MRPL43: variants seen among roughly 807,000 people sequenced by gnomAD.
MRPL43 encodes mitochondrial ribosomal protein L43, also known as large ribosomal subunit protein mL43.
In MRPL43, 9 loss-of-function variants were observed where a neutral mutation model predicts 12.7. That is an observed-to-expected ratio of 0.71 (90% CI 0.43 to 1.24). The LOEUF (loss-of-function observed/expected upper bound fraction) is 1.24, where lower values mean the gene tolerates loss of function less well. Among genes scored for constraint, MRPL43 ranks in the 50% most tolerant of loss-of-function variants. The pLI is 0.00. For synonymous variants in MRPL43, 116 were observed against 96.4 expected (o/e 1.20, Z -1.19); for missense variants, 211 against 229.2 (o/e 0.92, Z 0.51).
At chr10:100,979,820 A>AC (rs772051424), downstream of MRPL43, 43 of 1,609,742 alleles carry the variant, frequency 2.7e-5, no homozygotes, top group Non-Finnish European at 3.5e-5. Flanking sequence ...CATGTAACTC[A>AC]CCCCCCTTGC....
rs559883174 is a variant in MRPL43, at chr10:100,986,622, A to G, written c.*112T>C. On this transcript the variant is annotated 3_prime_UTR_variant, in exon 3 of 3. Coordinates refer to ENST00000318364, the MANE Select transcript of MRPL43 (RefSeq NM_032112.3). ...ATTATCCCAAGCAGAACCTCTGTCA[A>G]CTTGCCCATTGATGGGTTCCATTTG... 8.6e-5 allele frequency: 139 copies of G among 1,613,460 alleles called. No individual in the cohort carries two copies. The African/African-American group carries it at 1.5e-3, about 17-fold the overall frequency.
downstream of MRPL43, chr10:100,983,958 G>A (rs1318914837): frequency 6.2e-7 from 1 of 1,611,090 alleles, no homozygotes; most frequent in East Asian, 2.2e-5. Context: ...CAATGGCTTG[G>A]TGGCACTGCC....
chr10:100,983,419 G>A, downstream of MRPL43: 1 of 1,613,264 alleles, frequency 6.2e-7, no homozygotes, highest in East Asian at 2.2e-5. Context: ...GGGAGCATGG[G>A]CCTGAGCGAT....
downstream of MRPL43, chr10:100,983,742 C>T (rs756057332): frequency 1.8e-5 from 29 of 1,612,982 alleles, no homozygotes; most frequent in South Asian, 6.6e-5. Context: ...AGGGCGCCGA[C>T]GGAAATACTC....
At chr10:100,978,178 G>T, downstream of MRPL43, 1 of 671,080 alleles carries the variant, frequency 1.5e-6, no homozygotes. Flanking sequence ...AGGTGCATCT[G>T]CCATACAACC....
downstream of MRPL43, chr10:100,984,576 C>T (rs1250348904): frequency 1.3e-6 from 2 of 1,536,202 alleles, no homozygotes; most frequent in East Asian, 4.9e-5. Flanking sequence ...CAGACAAGAC[C>T]TCTGCCAGCC....
downstream of MRPL43, chr10:100,981,570 C>T: frequency 1.9e-6 from 3 of 1,613,002 alleles, no homozygotes; most frequent in Middle Eastern, 1.7e-4. Flanking sequence ...AGTTAATCAT[C>T]ACAGCTAAGA....
chr10:100,986,049 C>T (rs1014503596), downstream of MRPL43, among the ~76,000 whole-genome samples: 1 of 152,162 alleles, frequency 6.6e-6, no homozygotes, highest in African/African-American at 2.4e-5. Context: ...CAAAGAGGGA[C>T]GTGGGGGGAA....
At chr10:100,984,967 A>C, downstream of MRPL43, 1 of 1,396,896 alleles carries the variant, frequency 7.2e-7, no homozygotes, top group South Asian at 1.5e-5. Context: ...ATGTGCTTAC[A>C]TTTCCACTCA....
At chr10:100,981,360 A>C, downstream of MRPL43, 1 of 1,608,166 alleles carries the variant, frequency 6.2e-7, no homozygotes, top group Non-Finnish European at 8.5e-7. Flanking sequence ...ACTCAAACAC[A>C]GAGCCTGGCA....
chr10:100,983,706 G>A (rs1210510722), downstream of MRPL43: 11 of 1,613,472 alleles, frequency 6.8e-6, no homozygotes, highest in Non-Finnish European at 9.3e-6. Context: ...CCTCCTCTAT[G>A]TGGCCTGTCT....
chr10:100,982,690 C>G (rs755025603), downstream of MRPL43, among the ~76,000 whole-genome samples: 11 of 152,108 alleles, frequency 7.2e-5, no homozygotes, highest in Non-Finnish European at 1.3e-4. Flanking sequence ...TACTCAGGAG[C>G]CAGAGGCAAG....
downstream of MRPL43, chr10:100,978,637 A>G: frequency 6.2e-7 from 1 of 1,613,152 alleles, no homozygotes; most frequent in Non-Finnish European, 8.5e-7. Context: ...GCATTGGCTC[A>G]ATGGTTAGGA....
At chr10:100,984,148 C>A (rs1011343221), downstream of MRPL43, 2 of 1,590,364 alleles carry the variant, frequency 1.3e-6, no homozygotes, top group African/African-American at 2.7e-5. Context: ...CCTCCCAGAA[C>A]AAATGCTCTT....
At chr10:100,979,256 C>T (rs755545765), downstream of MRPL43, 33 of 1,614,050 alleles carry the variant, frequency 2.0e-5, no homozygotes, top group Middle Eastern at 1.6e-4. Flanking sequence ...GCAGCCTTCA[C>T]GCTGAGCACA....
downstream of MRPL43, chr10:100,978,504 T>G: frequency 6.2e-7 from 1 of 1,608,568 alleles, no homozygotes; most frequent in Non-Finnish European, 8.5e-7. Flanking sequence ...ATGTCTCTCA[T>G]GCCTGGAATA....
At chr10:100,983,583 C>A, downstream of MRPL43, 2 of 1,614,014 alleles carry the variant, frequency 1.2e-6, no homozygotes, top group South Asian at 1.1e-5. Flanking sequence ...CACTCCTGCC[C>A]CAGCTCCAAA....
chr10:100,984,578 C>A, downstream of MRPL43: 1 of 1,536,208 alleles, frequency 6.5e-7, no homozygotes, highest in East Asian at 2.4e-5. Flanking sequence ...GACAAGACCT[C>A]TGCCAGCCAC....
chr10:100,979,885 C>T (rs1850978202), downstream of MRPL43: 1 of 1,613,922 alleles, frequency 6.2e-7, no homozygotes, highest in African/African-American at 1.3e-5. Flanking sequence ...CCGCTATGAC[C>T]TGGCAGAGAT....
Sources: allele counts gnomAD v4.1 joint callset (sites outside exome capture counted in the v4.1 genomes callset), GRCh38; gene constraint gnomAD v4.1.1; transcripts MANE v1.5; gene names NCBI Gene and HGNC (gene_info 2026-07-23, HGNC 2026-07-21).